WDFY4: variants seen among roughly 807,000 people sequenced by gnomAD.
WDFY4 encodes WDFY family member 4.
WDFY4 carries 169 observed loss-of-function variants against 351.9 expected under a neutral mutation model. The ratio of observed to expected loss-of-function variants is 0.48; its 90% CI spans 0.42 to 0.55. The LOEUF is 0.55. Ranked by LOEUF, WDFY4 falls within the 20% of genes least tolerant of loss-of-function variation. The pLI, the probability that WDFY4 is intolerant of heterozygous loss-of-function variation, is 0.00. For missense variants in WDFY4, 3,803 were observed against 3,935.6 expected (o/e 0.97, Z 0.90); for synonymous variants, 1,622 against 1,574.6 (o/e 1.03, Z -0.71).
chr10:48,743,280 C>T lies in WDFY4; in HGVS notation c.2191C>T (p.Leu731=). The change falls in exon 12 of 62, where the codon CTG becomes TTG. Residue 731 remains leucine, a synonymous_variant. Transcript: ENST00000325239. ...AGCCCTGGAGGAAGAGGGCAACCTG[C>T]TGCGCTCTTGGGTGGACACAAAGGC... ...FGALEEEGNL[L]RSWVDTKARP... 1 of 1,551,698 alleles carries T rather than the reference C, an allele frequency of 6.4e-7. No individual in the cohort carries two copies. The highest frequency in any genetic ancestry group is 2.4e-5 in the East Asian group (1 of 40,918).
In WDFY4 at chr10:48,753,234, G is replaced by A. The variant is rs966870651; in HGVS notation, c.2460-7113G>A. On this transcript the variant is annotated intron_variant, in intron 12 of 61. Coordinates refer to ENST00000325239, the MANE Select transcript of WDFY4 (RefSeq NM_001394531.1). ...GGGTTGTTTCTCTTTTTGTTGCTAAGTTGTATGAATTCTTTATATATTGTG... is the reference window on the plus strand; with the variant it reads ...GGGTTGTTTCTCTTTTTGTTGCTAAATTGTATGAATTCTTTATATATTGTG... Among the ~76,000 whole-genome samples the A allele has an allele frequency of 3.9e-5, 6 of 152,116 alleles. No homozygotes were observed. The South Asian group carries it at 1.2e-3, about 32-fold the overall frequency.
intron 3 of WDFY4, among the ~76,000 whole-genome samples, chr10:48,720,449 A>G (rs1220172102): frequency 6.6e-6 from 1 of 151,924 alleles, no homozygotes; most frequent in African/African-American, 2.4e-5. Flanking sequence ...CAGACATTAT[A>G]CACAGATACA....
At chr10:48,736,326 C>T in intron 11 of WDFY4, 1 of 605,204 alleles carries the variant, frequency 1.7e-6, no homozygotes, top group Non-Finnish European at 2.9e-6. Flanking sequence ...ATCACCTGGG[C>T]ATCTAACTTG....
Position 48,877,338 on chromosome 10 carries a change from A to T in WDFY4, c.7167+139A>T, listed in dbSNP as rs1023151914. The T allele has an allele frequency of 7.2e-6, 6 of 834,200 alleles. No individual in the cohort carries two copies. The Admixed American group carries it at 1.8e-4, about 25-fold the overall frequency. The allele number at this position is 834,200 out of a possible 1,614,324, so 51.7% of individuals were successfully genotyped here. On this transcript the variant is annotated intron_variant, in intron 43 of 61. Coordinates refer to ENST00000325239, the MANE Select transcript of WDFY4 (RefSeq NM_001394531.1). The stretch of plus-strand genomic sequence containing the variant: ...TATGAAAACTTTCAACACAATAATC[A>T]GTGAAAAAAGGGATAGATTCCTAAA...
At chr10:48,875,572 G>A (rs2069965381) in intron 42 of WDFY4, among the ~76,000 whole-genome samples, 1 of 152,136 alleles carries the variant, frequency 6.6e-6, no homozygotes, top group Non-Finnish European at 1.5e-5. Flanking sequence ...ACATCACAAT[G>A]CCCAGATAAT....
intron 47 of WDFY4, among the ~76,000 whole-genome samples, chr10:48,909,243 T>A (rs1010795503): frequency 1.3e-5 from 2 of 152,258 alleles, no homozygotes; most frequent in Non-Finnish European, 2.9e-5. Context: ...ATTACAATTA[T>A]CAAAATGTTA....
At chr10:48,811,741 C>G in intron 30 of WDFY4, 33 bp downstream of exon 30, 1 of 1,544,614 alleles carries the variant, frequency 6.5e-7, no homozygotes. Context: ...GGGTGACACA[C>G]TTGGTTTTCT....
chr10:48,813,440 C>T (rs1233196507), intron 30 of WDFY4, among the ~76,000 whole-genome samples: 1 of 152,066 alleles, frequency 6.6e-6, no homozygotes, highest in Non-Finnish European at 1.5e-5. Context: ...TTTTATTTTG[C>T]TTGATATTTA....
Position 48,789,945 on chromosome 10 carries a change from G to T in WDFY4, c.4026G>T (p.Gly1342=). ...LLRNCAGHLS[G]SLRTIGAVAV... is the part of the protein sequence containing the mutation. ...GGAATTGTGCTGGCCACCTGTCAGG[G>T]TCTCTGCGGACCATTGGAGCTGTTG... The change falls in exon 22 of 62, where the codon GGG becomes GGT. Residue 1342 remains glycine (G), a synonymous_variant. Coordinates refer to ENST00000325239, the MANE Select transcript of WDFY4 (RefSeq NM_001394531.1). 8 of 1,552,422 alleles carry T rather than the reference G, an allele frequency of 5.2e-6. No homozygotes were observed. The highest frequency in any genetic ancestry group is 7.0e-6 in the Non-Finnish European group (8 of 1,147,144).
chr10:48,825,628 A>G (rs548040915), intron 35 of WDFY4, among the ~76,000 whole-genome samples: 1 of 152,178 alleles, frequency 6.6e-6, no homozygotes, highest in Admixed American at 6.5e-5. Flanking sequence ...TTGTTTCTTG[A>G]CTTTTTAATA....
chr10:48,821,348 A>C (rs1312234111), intron 34 of WDFY4, among the ~76,000 whole-genome samples, 172 bp downstream of exon 34: 1 of 152,194 alleles, frequency 6.6e-6, no homozygotes, highest in Non-Finnish European at 1.5e-5. Flanking sequence ...CTTGGGGCCC[A>C]GTGGAGGGGT....
intron 30 of WDFY4, among the ~76,000 whole-genome samples, chr10:48,813,343 T>C (rs1166259372): frequency 6.6e-6 from 1 of 152,260 alleles, no homozygotes; most frequent in Non-Finnish European, 1.5e-5. Flanking sequence ...ACTAAGGTCA[T>C]TGATACCCTG....
At chr10:48,968,768 T>G in intron 55 of WDFY4, 1 of 419,938 alleles carries the variant, frequency 2.4e-6, no homozygotes. Flanking sequence ...CTGTGAGCCA[T>G]ATTCCAGCTG....
rs77348896 is a variant in WDFY4 at position 48,917,393 on chromosome 10, C to G, written c.7586+15530C>G. ...ATGAAAAAGATAAAAATTACAAACA[C>G]AGGAAGGAAGCTCAGCGAACTCCAA... is the stretch of plus-strand genomic sequence containing the variant. On this transcript the variant is annotated intron_variant, in intron 47 of 61. Coordinates refer to ENST00000325239, the MANE Select transcript of WDFY4 (RefSeq NM_001394531.1). Among the ~76,000 whole-genome samples the G allele has an allele frequency of 6.5e-3, 985 of 152,244 alleles. 13 individuals are homozygous for G. The highest frequency in any genetic ancestry group is 0.022 in the African/African-American group (927 of 41,560).
chr10:48,774,476 T>C lies in WDFY4; in HGVS notation c.2572T>C (p.Cys858Arg), dbSNP rs1466928025. The change falls in exon 14 of 62, where the codon TGC becomes CGC. Residue 858 changes from cysteine to arginine, a missense_variant. By Grantham distance (180) the Cys-to-Arg change is radical (BLOSUM62 -3). Coordinates refer to ENST00000325239, the MANE Select transcript of WDFY4 (RefSeq NM_001394531.1). ...DHPQLSEEIQ[C>R]SLASHIQSLV... ...CTCTTAGCTTTCCGAGGAGATCCAG[T>C]GCTCCCTGGCCAGTCATATCCAGTC... 1.9e-6 allele frequency: 3 copies of C among 1,551,746 alleles called. No homozygotes were observed. The highest frequency in any genetic ancestry group is 2.6e-6 in the Non-Finnish European group (3 of 1,147,004).
At chr10:48,805,566 G>C in intron 26 of WDFY4, 145 bp downstream of exon 26, 1 of 1,195,104 alleles carries the variant, frequency 8.4e-7, no homozygotes, top group Non-Finnish European at 1.1e-6. Flanking sequence ...TGAGAGTTGG[G>C]GAAAGGATGG....
At position 48,946,098 on chromosome 10, in the gene WDFY4, A is replaced by C. The variant is rs1027063559; in HGVS notation, c.7808A>C (p.Gln2603Pro). Residue 2603 changes from glutamine to proline, a missense_variant, in exon 50 of 62, where the codon CAG (glutamine) becomes CCG (proline). Coordinates refer to ENST00000325239, the MANE Select transcript of WDFY4 (RefSeq NM_001394531.1). Reference sequence around the variant, plus strand: ...GATCTTTCAAAGCCCATGGGGGCTCAGACCAAGGAAAGGAAGCTGAAATTT... The same window carrying C: ...GATCTTTCAAAGCCCATGGGGGCTCCGACCAAGGAAAGGAAGCTGAAATTT... ...FRDLSKPMGA[Q>P]TKERKLKFIQ... 6.5e-7 allele frequency: 1 copy of C among 1,549,152 alleles called. No individual in the cohort carries two copies. Among genetic ancestry groups the C allele is most frequent in the African/African-American group, 1.4e-5 (1 of 72,874 alleles).
At chr10:48,957,975 G>A (rs960309660) in intron 52 of WDFY4, among the ~76,000 whole-genome samples, 4 of 152,198 alleles carry the variant, frequency 2.6e-5, no homozygotes, top group East Asian at 1.9e-4. Context: ...GCAGGTCACC[G>A]GCCTGGCTGG....
At chr10:48,802,749 TG>T (rs1565215871) in intron 24 of WDFY4, 1 of 471,426 alleles carries the variant, frequency 2.1e-6, no homozygotes, top group Non-Finnish European at 4.4e-6. Flanking sequence ...GATGACACTG[TG>T]GTTTGGGCTG....
Sources: gnomAD v4.1 joint callset for allele counts (sites outside exome capture counted in the v4.1 genomes callset) on GRCh38, gnomAD v4.1.1 for gene constraint, MANE v1.5 for transcripts, NCBI Gene and HGNC (gene_info 2026-07-23, HGNC 2026-07-21) for gene names.